FRMD5: variants seen among roughly 807,000 people sequenced by gnomAD.
The protein encoded by FRMD5 is FERM domain containing 5.
Under a neutral mutation model 69.0 loss-of-function variants are expected in FRMD5, and 20 were observed. The ratio of observed to expected loss-of-function variants is 0.29; its 90% CI spans 0.20 to 0.42. The LOEUF is 0.42. Ranked by LOEUF, FRMD5 falls within the 10% of genes least tolerant of loss-of-function variation. FRMD5 has a pLI of 1.00. For synonymous variants in FRMD5, 271 were observed against 260.1 expected (o/e 1.04, Z -0.40); for missense variants, 595 against 708.6 (o/e 0.84, Z 1.82).
At chr15:44,085,201 A>G (rs75028617) in intron 1 of FRMD5, among the ~76,000 whole-genome samples, 4,440 of 152,264 alleles carry the variant, frequency 0.029, 186 homozygotes, top group African/African-American at 0.091. Context: ...AATAGATATT[A>G]TATAAGCACT....
chr15:44,139,996 A>C (rs2077244537), intron 1 of FRMD5, among the ~76,000 whole-genome samples: 1 of 151,292 alleles, frequency 6.6e-6, no homozygotes, highest in Non-Finnish European at 1.5e-5. Flanking sequence ...GTCTGATCTT[A>C]TACATATACA....
chr15:44,063,974 A>T, intron 1 of FRMD5: 1 of 237,276 alleles, frequency 4.2e-6, no homozygotes, highest in East Asian at 1.2e-4. Flanking sequence ...TGTACCACCA[A>T]TTGCTCAGTT....
intron 1 of FRMD5, among the ~76,000 whole-genome samples, chr15:43,944,363 G>T (rs369855010): frequency 8.5e-5 from 13 of 152,254 alleles, no homozygotes; most frequent in African/African-American, 2.9e-4. Flanking sequence ...ATCTATTAAC[G>T]CATTAAGCCA....
At chr15:44,056,287 A>G (rs1406385041) in intron 1 of FRMD5, among the ~76,000 whole-genome samples, 1 of 152,226 alleles carries the variant, frequency 6.6e-6, no homozygotes, top group Non-Finnish European at 1.5e-5. Context: ...ATACAAACAA[A>G]CCAGGATAGA....
chr15:43,912,745 C>T (rs1168988341), intron 4 of FRMD5, among the ~76,000 whole-genome samples: 3 of 151,148 alleles, frequency 2.0e-5, no homozygotes, highest in African/African-American at 4.9e-5. Context: ...GGGCCGGGCG[C>T]GGTGGCTCAC....
chr15:43,971,708 C>G (rs1489756674), intron 1 of FRMD5, among the ~76,000 whole-genome samples: 2 of 150,288 alleles, frequency 1.3e-5, no homozygotes, highest in East Asian at 2.0e-4. Context: ...GTTTTTAAAA[C>G]TTCGTTTTTT....
At chr15:44,198,736 G>T (rs1416761248), upstream of FRMD5, among the ~76,000 whole-genome samples, 1 of 152,120 alleles carries the variant, frequency 6.6e-6, no homozygotes, top group Admixed American at 6.6e-5. Context: ...GAAATATTTT[G>T]TTTATCTTTG....
chr15:44,060,628 A>G (rs911235148), intron 1 of FRMD5, among the ~76,000 whole-genome samples: 3 of 152,320 alleles, frequency 2.0e-5, no homozygotes, highest in South Asian at 2.1e-4. Context: ...TTAGTCCCCA[A>G]ATGGCTTAGG....
intron 1 of FRMD5, among the ~76,000 whole-genome samples, chr15:43,950,239 C>T (rs561229592): frequency 7.2e-5 from 11 of 152,230 alleles, no homozygotes; most frequent in Admixed American, 2.0e-4. Flanking sequence ...TTCTGTACAA[C>T]CGGGAAGGTG....
At chr15:44,086,951 T>C (rs528829994) in intron 1 of FRMD5, among the ~76,000 whole-genome samples, 1 of 152,288 alleles carries the variant, frequency 6.6e-6, no homozygotes, top group South Asian at 2.1e-4. Context: ...TCATTCATGG[T>C]CTTGATAATA....
chr15:43,876,280 C>G, intron 13 of FRMD5: 1 of 1,309,314 alleles, frequency 7.6e-7, no homozygotes, highest in Non-Finnish European at 1.1e-6. Flanking sequence ...AACTCTGGGC[C>G]TGGTTTTTAC....
At chr15:44,065,661 C>T (rs1036585461) in intron 1 of FRMD5, among the ~76,000 whole-genome samples, 1 of 152,042 alleles carries the variant, frequency 6.6e-6, no homozygotes, top group Non-Finnish European at 1.5e-5. Flanking sequence ...CATGACCCAC[C>T]CATCCTTAAA....
At chr15:43,939,010 C>T (rs1327244487) in intron 1 of FRMD5, among the ~76,000 whole-genome samples, 1 of 151,860 alleles carries the variant, frequency 6.6e-6, no homozygotes, top group African/African-American at 2.4e-5. Flanking sequence ...TACAAGCATG[C>T]ACCACCACAT....
chr15:43,883,827 G>C lies in FRMD5; in HGVS notation c.1029-18C>G. The C allele has an allele frequency of 6.3e-7, 1 of 1,593,374 alleles. No individual in the cohort carries two copies. The highest frequency in any genetic ancestry group is 8.6e-7 in the Non-Finnish European group (1 of 1,161,388). On this transcript the variant is annotated intron_variant, in intron 12 of 13. Transcript: ENST00000417257. ...TCCCTGCTCTGAGGTTAAAGAAAAAGAACCTTGTTAATTCAGTGCATGGAC... is the reference window on the plus strand; with the variant it reads ...TCCCTGCTCTGAGGTTAAAGAAAAACAACCTTGTTAATTCAGTGCATGGAC...
At chr15:43,974,297 C>T (rs1035083867) in intron 1 of FRMD5, among the ~76,000 whole-genome samples, 1 of 152,166 alleles carries the variant, frequency 6.6e-6, no homozygotes, top group African/African-American at 2.4e-5. Flanking sequence ...AGGTGAACAG[C>T]TTGAGCAAGG....
intron 1 of FRMD5, among the ~76,000 whole-genome samples, chr15:44,042,040 C>T (rs777547066): frequency 7.3e-4 from 111 of 152,082 alleles, no homozygotes; most frequent in Non-Finnish European, 1.1e-3. Context: ...ACTAGCCAGA[C>T]TAATAACGAA....
chr15:43,888,773 C>T (rs757420372), intron 9 of FRMD5, 36 bp downstream of exon 9: 5 of 1,576,978 alleles, frequency 3.2e-6, no homozygotes, highest in Admixed American at 3.3e-5. Context: ...TCCCATCACC[C>T]CAGCCCTCCT....
At chr15:44,193,907 A>G (rs2078236703) in intron 1 of FRMD5, among the ~76,000 whole-genome samples, 1 of 152,258 alleles carries the variant, frequency 6.6e-6, no homozygotes, top group Admixed American at 6.5e-5. Context: ...CTGAGCCAGA[A>G]GCCTCCTCCT....
At chr15:44,135,829 A>T (rs945324403) in intron 1 of FRMD5, among the ~76,000 whole-genome samples, 3 of 151,380 alleles carry the variant, frequency 2.0e-5, no homozygotes, top group Non-Finnish European at 4.4e-5. Flanking sequence ...GTCTCAAAAA[A>T]AAAAAAAAAA....
Sources: gnomAD v4.1 joint callset for allele counts (sites outside exome capture counted in the v4.1 genomes callset) on GRCh38, gnomAD v4.1.1 for gene constraint, MANE v1.5 for transcripts, NCBI Gene and HGNC (gene_info 2026-07-23, HGNC 2026-07-21) for gene names.